MAPK10: variants seen among roughly 807,000 people sequenced by gnomAD.
MAPK10 encodes the protein mitogen-activated protein kinase 10.
A neutral mutation model predicts 59.3 loss-of-function variants in MAPK10; 25 were observed. The ratio of observed to expected loss-of-function variants is 0.42; its 90% CI spans 0.31 to 0.59. The LOEUF is 0.59. Ranked by LOEUF, MAPK10 falls within the 20% of genes least tolerant of loss-of-function variation. The pLI is 0.15. For missense variants in MAPK10, 351 were observed against 568.9 expected, an observed-to-expected ratio of 0.62 and a Z score of 3.90; for synonymous variants, 190 against 200.5, an observed-to-expected ratio of 0.95 and a Z score of 0.44.
chr4:86,122,226 T>C (rs1561977256), intron 4 of MAPK10, among the ~76,000 whole-genome samples: 1 of 152,136 alleles, frequency 6.6e-6, no homozygotes, highest in African/African-American at 2.4e-5. Flanking sequence ...GAAAAAGACT[T>C]TCTGGTGAAG....
At chr4:86,230,632 A>G (rs1047292125) in intron 2 of MAPK10, among the ~76,000 whole-genome samples, 2 of 152,216 alleles carry the variant, frequency 1.3e-5, no homozygotes, top group South Asian at 4.1e-4. Flanking sequence ...ATGAAATTGT[A>G]CTTATACAAG....
At chr4:86,211,266 T>G (rs888967087) in intron 2 of MAPK10, among the ~76,000 whole-genome samples, 1 of 151,944 alleles carries the variant, frequency 6.6e-6, no homozygotes, top group African/African-American at 2.4e-5. Flanking sequence ...AAAGACCCCA[T>G]GCTAAGACAC....
At chr4:86,500,825 T>C (rs952791482) in intron 1 of MAPK10, among the ~76,000 whole-genome samples, 1 of 152,164 alleles carries the variant, frequency 6.6e-6, no homozygotes. Context: ...ATGAAAGCCA[T>C]GTTGCTACAG....
intron 2 of MAPK10, among the ~76,000 whole-genome samples, chr4:86,225,031 A>C (rs1244647327): frequency 2.0e-5 from 3 of 152,218 alleles, no homozygotes; most frequent in Non-Finnish European, 4.4e-5. Flanking sequence ...TGCTAAAGTA[A>C]GTTAATACCC....
chr4:86,169,458 A>G (rs771157860), intron 3 of MAPK10, among the ~76,000 whole-genome samples: 22 of 152,340 alleles, frequency 1.4e-4, no homozygotes, highest in African/African-American at 5.1e-4. Context: ...GGAAGAAAGG[A>G]TATCAGCAAT....
At position 86,089,596 on chromosome 4, in the gene MAPK10, A is replaced by G. The variant is rs902179649; in HGVS notation, c.802+8928T>C. On this transcript the variant is annotated intron_variant, in intron 9 of 13. Transcript: ENST00000641462. ...GTCTAATTTGCATTCATTTACTAGA[A>G]TCCTACTGATTTTTATCATAAATTA... 10 of 213,026 alleles carry G rather than the reference A, an allele frequency of 4.7e-5. No individual in the cohort carries two copies. In the Admixed American group the frequency reaches 5.8e-4, roughly 12 times the overall value. 13.2% of individuals were successfully genotyped at this position (213,026 alleles called of 1,614,324 possible).
intron 1 of MAPK10, among the ~76,000 whole-genome samples, chr4:86,452,521 G>GCACA (rs140253045): frequency 1.3e-4 from 19 of 148,096 alleles, no homozygotes; most frequent in Non-Finnish European, 1.8e-4. Flanking sequence ...CAATGCGCAC[G>GCACA]CACACACACA....
At chr4:86,412,981 C>A (rs939444842) in intron 1 of MAPK10, among the ~76,000 whole-genome samples, 1 of 152,160 alleles carries the variant, frequency 6.6e-6, no homozygotes, top group African/African-American at 2.4e-5. Context: ...GGAGAAGAGG[C>A]GCTCCGGTTT....
At chr4:86,101,458 G>A (rs2055375536) in intron 7 of MAPK10, 1 of 440,610 alleles carries the variant, frequency 2.3e-6, no homozygotes, top group Non-Finnish European at 4.1e-6. Context: ...CTTGGGAAGA[G>A]GTTTTAGAAA....
chr4:86,143,753 T>C (rs1284720346), intron 4 of MAPK10, among the ~76,000 whole-genome samples: 1 of 152,216 alleles, frequency 6.6e-6, no homozygotes, highest in African/African-American at 2.4e-5. Context: ...ATAGATGTGA[T>C]TCCCAACCTC....
At chr4:86,275,393 G>A (rs2094543681) in intron 2 of MAPK10, among the ~76,000 whole-genome samples, 1 of 151,966 alleles carries the variant, frequency 6.6e-6, no homozygotes, top group Non-Finnish European at 1.5e-5. Context: ...AGGAAATGAT[G>A]TAGTCCACTT....
chr4:86,173,080 G>A (rs1388796890), intron 3 of MAPK10, among the ~76,000 whole-genome samples: 1 of 151,664 alleles, frequency 6.6e-6, no homozygotes, highest in Non-Finnish European at 1.5e-5. Flanking sequence ...TCCCATCAAA[G>A]TATGATTGAC....
intron 1 of MAPK10, among the ~76,000 whole-genome samples, chr4:86,366,159 A>G (rs1737859498): frequency 6.6e-6 from 1 of 152,160 alleles, no homozygotes; most frequent in South Asian, 2.1e-4. Context: ...TATACTATAT[A>G]TATATGTTTA....
chr4:86,489,382 C>T (rs1477929129), intron 1 of MAPK10, among the ~76,000 whole-genome samples: 2 of 152,134 alleles, frequency 1.3e-5, no homozygotes, highest in African/African-American at 4.8e-5. Flanking sequence ...ACCCACTCCC[C>T]ACCGAAAGGC....
intron 3 of MAPK10, chr4:86,192,207 T>G (rs1403890019): frequency 6.6e-6 from 1 of 152,218 alleles, no homozygotes; most frequent in South Asian, 2.1e-4. Flanking sequence ...CTTACCATTT[T>G]TTCCTTCATT....
At chr4:86,558,520 A>G (rs553099474) in intron 1 of MAPK10, among the ~76,000 whole-genome samples, 2 of 152,244 alleles carry the variant, frequency 1.3e-5, no homozygotes, top group South Asian at 2.1e-4. Context: ...AATCAGAGAC[A>G]CATTTAGTGT....
chr4:86,126,893 G>GT (rs1445284812), intron 4 of MAPK10, among the ~76,000 whole-genome samples: 3 of 151,756 alleles, frequency 2.0e-5, no homozygotes, highest in African/African-American at 7.3e-5. Flanking sequence ...CCATATCCAA[G>GT]GCCTATTTGT....
chr4:86,039,363 A>G (rs2041014607), intron 11 of MAPK10, among the ~76,000 whole-genome samples: 1 of 152,134 alleles, frequency 6.6e-6, no homozygotes, highest in Admixed American at 6.6e-5. Context: ...TACCCTCCAC[A>G]TGATGGTAGG....
chr4:86,132,526 G>A (rs538736120), intron 4 of MAPK10, among the ~76,000 whole-genome samples: 2 of 152,240 alleles, frequency 1.3e-5, no homozygotes, highest in African/African-American at 4.8e-5. Flanking sequence ...AATATTTTCT[G>A]ATCTTAAGTT....
Sources: gnomAD v4.1 joint callset for allele counts (sites outside exome capture counted in the v4.1 genomes callset) on GRCh38, gnomAD v4.1.1 for gene constraint, MANE v1.5 for transcripts, NCBI Gene and HGNC (gene_info 2026-07-23, HGNC 2026-07-21) for gene names.